KMT2C: variants seen among roughly 807,000 people sequenced by gnomAD.
KMT2C encodes the protein histone-lysine N-methyltransferase 2C.
KMT2C carries 88 observed loss-of-function variants against 507.9 expected under a neutral mutation model. The observed-to-expected ratio is 0.17, with a 90% CI of 0.15 to 0.21. The LOEUF is 0.21. KMT2C is among the 10% of genes least tolerant of loss of function. The pLI is 1.00. For missense variants in KMT2C, 4,954 were observed against 5,957.8 expected (o/e 0.83, Z 5.55); for synonymous variants, 2,049 against 2,080.8 (o/e 0.98, Z 0.42).
rs2096583630 is a variant in KMT2C at position 152,302,937 on chromosome 7, C to G, written c.849+7029G>C. Among the ~76,000 whole-genome samples the G allele has an allele frequency of 2.0e-5, 3 of 152,148 alleles. No homozygotes were observed. In the South Asian group the frequency reaches 6.2e-4, roughly 32 times the overall value. ...GGGATTACAGGCATGAGACGCCGCG[C>G]CTGGCCAAGAAAGGAACTTTAGATA... is the stretch of plus-strand genomic sequence containing the variant. On this transcript the variant is annotated intron_variant, in intron 6 of 58. Transcript: ENST00000262189.
At chr7:152,285,244 T>C (rs570246729) in intron 6 of KMT2C, among the ~76,000 whole-genome samples, 4 of 152,412 alleles carry the variant, frequency 2.6e-5, no homozygotes, top group African/African-American at 9.6e-5. Context: ...GTTCCATTCA[T>C]ATATTAGTCT....
rs1306664007 is a variant in KMT2C at position 152,163,678 on chromosome 7, C to A, written c.9899G>T (p.Ser3300Ile). The A allele has an allele frequency of 2.5e-6, 4 of 1,613,880 alleles. No homozygotes were observed. The South Asian group carries it at 4.4e-5, about 18-fold the overall frequency. Residue 3300 changes from serine (S) to isoleucine (I), a missense_variant, in exon 43 of 59, where the codon AGC becomes ATC. Physicochemically the swap from Ser to Ile is moderately radical, Grantham distance 142. Coordinates refer to ENST00000262189, the MANE Select transcript of KMT2C (RefSeq NM_170606.3). ...TGGCACCATGGGAAAGGTGGGTTGG[C>A]TCATGGTGGGTGGAGTGGCACCTGG... ...LIPGATPPTM[S>I]QPTFPMVPQQ... is the part of the protein sequence containing the mutation.
intron 14 of KMT2C, among the ~76,000 whole-genome samples, chr7:152,246,424 G>A (rs2095474754): frequency 6.6e-6 from 1 of 152,044 alleles, no homozygotes; most frequent in Non-Finnish European, 1.5e-5. Flanking sequence ...GATGGAATAA[G>A]CCTGGAAATA....
intron 1 of KMT2C, among the ~76,000 whole-genome samples, chr7:152,432,139 T>C (rs978626071): frequency 6.6e-6 from 1 of 152,096 alleles, no homozygotes; most frequent in Non-Finnish European, 1.5e-5. Context: ...TATAAAGAGT[T>C]TACTCAAAAA....
chr7:152,364,081 A>G (rs1192211049), intron 1 of KMT2C, among the ~76,000 whole-genome samples: 1 of 152,220 alleles, frequency 6.6e-6, no homozygotes, highest in Non-Finnish European at 1.5e-5. Flanking sequence ...TCCCTAAAAG[A>G]GCTGACAAAT....
At chr7:152,266,040 TTAGA>T (rs1172134629) in intron 7 of KMT2C, among the ~76,000 whole-genome samples, 11 of 152,280 alleles carry the variant, frequency 7.2e-5, no homozygotes, top group Admixed American at 1.3e-4. Context: ...CATACCAATC[TTAGA>T]TAATGTATAA....
At chr7:152,165,009 T>A (rs1459902890) in intron 42 of KMT2C, among the ~76,000 whole-genome samples, 3 of 152,256 alleles carry the variant, frequency 2.0e-5, no homozygotes, top group Non-Finnish European at 4.4e-5. Context: ...CAAAGTATTT[T>A]CTTGGGTTCC....
intron 1 of KMT2C, among the ~76,000 whole-genome samples, chr7:152,361,385 C>A (rs976237081): frequency 6.6e-6 from 1 of 151,896 alleles, no homozygotes; most frequent in Non-Finnish European, 1.5e-5. Context: ...ACGGTGAAAC[C>A]CCGTCTCTAC....
chr7:152,352,439 C>A (rs751827484), intron 2 of KMT2C, among the ~76,000 whole-genome samples: 2 of 152,108 alleles, frequency 1.3e-5, no homozygotes, highest in Non-Finnish European at 2.9e-5. Flanking sequence ...ATCTCTGTGA[C>A]CCACACCCTA....
chr7:152,240,036 C>A (rs2095355006), intron 14 of KMT2C, among the ~76,000 whole-genome samples: 1 of 152,200 alleles, frequency 6.6e-6, no homozygotes, highest in African/African-American at 2.4e-5. Context: ...TGAATCCACA[C>A]ACATTGAAGT....
chr7:152,173,147 T>C (rs1047011431), intron 39 of KMT2C, among the ~76,000 whole-genome samples: 25 of 152,202 alleles, frequency 1.6e-4, no homozygotes, highest in Admixed American at 1.3e-3. Flanking sequence ...TACTTTGATC[T>C]CAAAAATGCT....
chr7:152,278,084 T>C (rs2096120731), intron 6 of KMT2C, among the ~76,000 whole-genome samples: 2 of 152,036 alleles, frequency 1.3e-5, no homozygotes, highest in Non-Finnish European at 2.9e-5. Flanking sequence ...GGTGGGGCCT[T>C]ATGGGAGGTG....
In KMT2C at chr7:152,326,266, A is replaced by G; in HGVS notation, c.389+4335T>C. The stretch of plus-strand genomic sequence containing the variant: ...TATTAGAATTTTCTTGAACCTACAC[A>G]TCAATTGGGAAAGAATATCTTTAAA... On this transcript the variant is annotated intron_variant, in intron 3 of 58. Coordinates refer to ENST00000262189, the MANE Select transcript of KMT2C (RefSeq NM_170606.3). 1.3e-5 allele frequency among the ~76,000 whole-genome samples: 2 copies of G among 152,182 alleles called. 1 individual carries two copies. Among genetic ancestry groups the G allele is most frequent in the South Asian group, 4.1e-4 (2 of 4,824 alleles).
intron 6 of KMT2C, among the ~76,000 whole-genome samples, chr7:152,293,769 C>T (rs2096458919): frequency 6.6e-6 from 1 of 152,190 alleles, no homozygotes; most frequent in Non-Finnish European, 1.5e-5. Flanking sequence ...ATACAAAACT[C>T]TTAATTTTCT....
rs2091351770 is a variant in KMT2C at position 152,148,508 on chromosome 7, T to C, written c.13419A>G (p.Gly4473=). Residue 4473 remains glycine, a synonymous_variant, in exon 52 of 59, where the codon GGA becomes GGG. Coordinates refer to ENST00000262189, the MANE Select transcript of KMT2C (RefSeq NM_170606.3). The surrounding 1 kb of genome is among the most constrained non-coding windows in gnomAD (Gnocchi z 7.1). ...VFCHKTGATS[G]CHRFRCTNIY... Reference sequence around the variant, plus strand: ...TGTTGGTGCATCGAAATCTGTGGCATCCACTAGTGGCACCCGTCTTGTGAC... The same window carrying C: ...TGTTGGTGCATCGAAATCTGTGGCACCCACTAGTGGCACCCGTCTTGTGAC... 6.2e-7 allele frequency: 1 copy of C among 1,614,134 alleles called. No homozygotes were observed. Among genetic ancestry groups the C allele is most frequent in the Non-Finnish European group, 8.5e-7 (1 of 1,180,058 alleles).
At chr7:152,365,727 C>A (rs2097237535) in intron 1 of KMT2C, among the ~76,000 whole-genome samples, 1 of 152,192 alleles carries the variant, frequency 6.6e-6, no homozygotes, top group South Asian at 2.1e-4. Flanking sequence ...AACATAGCCA[C>A]TCCAGCTTAA....
In KMT2C at chr7:152,138,935, G is replaced by A. The variant is rs931281780; in HGVS notation, c.14535-31C>T. On this transcript the variant is annotated intron_variant, in intron 57 of 58. Coordinates refer to ENST00000262189, the MANE Select transcript of KMT2C (RefSeq NM_170606.3). The surrounding 1 kb of genome is among the most constrained non-coding windows in gnomAD (Gnocchi z 4.2). ...AGCCACCATGTCAGAAAACTGTATT[G>A]TAAAACAGCTAGAAGCAGCTTTAAA... The A allele has an allele frequency of 6.6e-7, 1 of 1,511,274 alleles. No homozygotes were observed. Among genetic ancestry groups the A allele is most frequent in the Non-Finnish European group, 9.2e-7 (1 of 1,086,358 alleles). 93.6% of individuals were successfully genotyped at this position (1,511,274 alleles called of 1,614,324 possible). A position where few individuals can be genotyped will look rare whatever the true frequency, so the allele number is the denominator to read the frequency against.
intron 1 of KMT2C, among the ~76,000 whole-genome samples, chr7:152,422,574 T>C (rs2097784069): frequency 6.6e-6 from 1 of 152,174 alleles, no homozygotes; most frequent in Admixed American, 6.6e-5. Context: ...AACTTCAGTA[T>C]CATAATTCTC....
chr7:152,434,579 T>A (rs1483315974), intron 1 of KMT2C, among the ~76,000 whole-genome samples: 1 of 152,276 alleles, frequency 6.6e-6, no homozygotes, highest in African/African-American at 2.4e-5. Flanking sequence ...GACAGTTCAA[T>A]GAGAATATCA....
Sources: allele counts gnomAD v4.1 joint callset (sites outside exome capture counted in the v4.1 genomes callset), GRCh38; gene constraint gnomAD v4.1.1; non-coding constraint Gnocchi (gnomAD v3.1); transcripts MANE v1.5; gene names NCBI Gene and HGNC (gene_info 2026-07-23, HGNC 2026-07-21).